The following CACNB2 variants were observed in gnomAD, a reference collection of about 807,000 sequenced individuals.
The protein encoded by CACNB2 is voltage-dependent L-type calcium channel subunit beta-2.
In CACNB2, 42 loss-of-function variants were observed where a neutral mutation model predicts 73.3. The ratio of observed to expected loss-of-function variants is 0.57; its 90% CI spans 0.45 to 0.74. The LOEUF (loss-of-function observed/expected upper bound fraction) is 0.74. Among genes scored for constraint, CACNB2 ranks in the 30% least tolerant of loss-of-function variants. The probability of loss-of-function intolerance (pLI) is 0.00; values close to 1 mark genes in which losing one functional copy is unlikely to be tolerated. For missense variants in CACNB2, 940 were observed against 853.0 expected, an observed-to-expected ratio of 1.10 and a Z score of -1.27; for synonymous variants, 348 against 310.3, an observed-to-expected ratio of 1.12 and a Z score of -1.28.
At chr10:18,329,372 C>T (rs2040707575) in intron 2 of CACNB2, among the ~76,000 whole-genome samples, 1 of 151,990 alleles carries the variant, frequency 6.6e-6, no homozygotes, top group Non-Finnish European at 1.5e-5. Flanking sequence ...TCCAAAGTTC[C>T]ACAAACAAAA....
intron 2 of CACNB2, among the ~76,000 whole-genome samples, chr10:18,257,649 C>T (rs1247374830): frequency 6.6e-6 from 1 of 152,214 alleles, no homozygotes; most frequent in Non-Finnish European, 1.5e-5. Context: ...AAGGCCAGCC[C>T]AAGTGTCCTC....
At position 18,375,303 on chromosome 10, in the gene CACNB2, A is replaced by G. The variant is rs139629408; in HGVS notation, c.214-26621A>G. Among the ~76,000 whole-genome samples, 6 of 152,276 alleles carry G rather than the reference A, an allele frequency of 3.9e-5. No individual in the cohort carries two copies. The East Asian group carries it at 1.2e-3, about 29-fold the overall frequency. The stretch of plus-strand genomic sequence containing the variant: ...ACTTCTCCCTCCCAATCCTGCACCA[A>G]TGCCATAGGGAAAAAGATACATGTA... On this transcript the variant is annotated intron_variant, in intron 2 of 13. Coordinates refer to ENST00000324631, the MANE Select transcript of CACNB2 (RefSeq NM_201596.3).
rs373585644 is a variant in CACNB2 at position 18,393,627 on chromosome 10, T to A, written c.214-8297T>A. 5.8e-4 allele frequency among the ~76,000 whole-genome samples: 88 copies of A among 152,360 alleles called. No homozygotes were observed. In the East Asian group the frequency reaches 0.013, roughly 23 times the overall value. Reference sequence around the variant, plus strand: ...TCCTTTTGCACTGAAAGAAGACACTTGAATCCTAGCCACTTTCAGGCAGGA... The same window carrying A: ...TCCTTTTGCACTGAAAGAAGACACTAGAATCCTAGCCACTTTCAGGCAGGA... On this transcript the variant is annotated intron_variant, in intron 2 of 13. Transcript: ENST00000324631.
At chr10:18,290,487 T>C (rs961805562) in intron 2 of CACNB2, among the ~76,000 whole-genome samples, 4 of 152,176 alleles carry the variant, frequency 2.6e-5, no homozygotes, top group African/African-American at 9.7e-5. Context: ...TTGGTCAAAG[T>C]GACCATTCTC....
At chr10:18,470,276 C>G (rs2048112217) in intron 3 of CACNB2, among the ~76,000 whole-genome samples, 1 of 150,288 alleles carries the variant, frequency 6.7e-6, no homozygotes, top group South Asian at 2.1e-4. Context: ...CACCTGAGGT[C>G]TGGAGTTTGA....
At chr10:18,199,370 A>G (rs998196313) in intron 2 of CACNB2, among the ~76,000 whole-genome samples, 2 of 152,148 alleles carry the variant, frequency 1.3e-5, no homozygotes, top group Non-Finnish European at 2.9e-5. Context: ...AAAAGCAGAG[A>G]AGGGTGAGAG....
intron 2 of CACNB2, among the ~76,000 whole-genome samples, chr10:18,380,945 G>A (rs1217096467): frequency 6.6e-6 from 1 of 151,904 alleles, no homozygotes. Context: ...ATATTAATTA[G>A]CATATTTCCC....
intron 3 of CACNB2, among the ~76,000 whole-genome samples, chr10:18,475,808 T>C (rs1264735603): frequency 6.6e-6 from 1 of 152,184 alleles, no homozygotes; most frequent in African/African-American, 2.4e-5. Flanking sequence ...CAAAACCCTC[T>C]TTAATATGTG....
intron 3 of CACNB2, among the ~76,000 whole-genome samples, chr10:18,430,688 G>A (rs564019459): frequency 3.7e-4 from 57 of 152,292 alleles, no homozygotes; most frequent in African/African-American, 1.3e-3. Context: ...CTCAACATAG[G>A]ACTGGGTAGA....
intron 2 of CACNB2, among the ~76,000 whole-genome samples, chr10:18,351,373 A>G (rs913712867): frequency 1.3e-5 from 2 of 152,234 alleles, no homozygotes; most frequent in South Asian, 2.1e-4. Context: ...GGACTGTGCT[A>G]GAGATCTTTT....
At chr10:18,515,133 G>T in intron 7 of CACNB2, 1 of 1,014,126 alleles carries the variant, frequency 9.9e-7, no homozygotes, top group South Asian at 1.3e-5. Flanking sequence ...TTTGGACAGT[G>T]CAGCCAGTGG....
intron 2 of CACNB2, among the ~76,000 whole-genome samples, chr10:18,168,497 TTGTGTG>T (rs111401264): frequency 7.2e-4 from 108 of 149,938 alleles, no homozygotes; most frequent in African/African-American, 2.5e-3. Flanking sequence ...TCTTCCTTCT[TTGTGTG>T]TGTGTGTGTG....
chr10:18,393,122 T>A (rs368196161), intron 2 of CACNB2, among the ~76,000 whole-genome samples: 1 of 151,352 alleles, frequency 6.6e-6, no homozygotes, highest in East Asian at 1.9e-4. Flanking sequence ...GGCAGGAGAA[T>A]CGCTTGAACC....
intron 3 of CACNB2, among the ~76,000 whole-genome samples, chr10:18,444,150 T>A (rs1293490158): frequency 6.6e-6 from 1 of 151,976 alleles, no homozygotes; most frequent in Non-Finnish European, 1.5e-5. Context: ...CCAAAGGTGA[T>A]GGTTTTAGGA....
intron 2 of CACNB2, among the ~76,000 whole-genome samples, chr10:18,343,200 T>A (rs1302972335): frequency 6.6e-6 from 1 of 152,216 alleles, no homozygotes; most frequent in Admixed American, 6.5e-5. Context: ...GAACATGGTA[T>A]CTTTAATAAC....
intron 2 of CACNB2, among the ~76,000 whole-genome samples, chr10:18,278,184 T>C (rs2131681641): frequency 6.6e-6 from 1 of 152,324 alleles, no homozygotes; most frequent in South Asian, 2.1e-4. Context: ...ATTTAGCTTA[T>C]GACTTGATGT....
At chr10:18,286,352 T>G in intron 2 of CACNB2, among the ~76,000 whole-genome samples, 1 of 151,334 alleles carries the variant, frequency 6.6e-6, no homozygotes, top group Non-Finnish European at 1.5e-5. Flanking sequence ...CCGTCTCTAC[T>G]AAAAAAATAC....
At position 18,515,105 on chromosome 10, in the gene CACNB2, G is replaced by A. The variant is rs992427694; in HGVS notation, c.804+736G>A. On this transcript the variant is annotated intron_variant, in intron 7 of 13. Coordinates refer to ENST00000324631, the MANE Select transcript of CACNB2 (RefSeq NM_201596.3). ...ATGTTCTTGCCTTCTCCATCAGTCAGATTTTACCATCTCACCCTTTGGACA... is the reference window on the plus strand; with the variant it reads ...ATGTTCTTGCCTTCTCCATCAGTCAAATTTTACCATCTCACCCTTTGGACA... 2.3e-6 allele frequency: 3 copies of A among 1,305,950 alleles called. No individual in the cohort carries two copies. In the African/African-American group the frequency reaches 4.4e-5, roughly 19 times the overall value. The allele number at this position is 1,305,950 out of a possible 1,614,324, so 80.9% of individuals were successfully genotyped here. A position where few individuals can be genotyped will look rare whatever the true frequency, so the allele number is the denominator to read the frequency against.
intron 3 of CACNB2, among the ~76,000 whole-genome samples, chr10:18,412,418 T>C (rs1467415455): frequency 2.0e-5 from 3 of 152,208 alleles, no homozygotes; most frequent in Non-Finnish European, 4.4e-5. Flanking sequence ...CCTATTTTTT[T>C]CCCTTCTTTC....
Sources: allele counts gnomAD v4.1 joint callset (sites outside exome capture counted in the v4.1 genomes callset), GRCh38; gene constraint gnomAD v4.1.1; transcripts MANE v1.5; gene names NCBI Gene and HGNC (gene_info 2026-07-23, HGNC 2026-07-21).